PCDH15: variants seen among roughly 807,000 people sequenced by gnomAD.
The protein encoded by PCDH15 is protocadherin-15.
In PCDH15, 129 loss-of-function variants were observed where a neutral mutation model predicts 178.5. The observed-to-expected ratio is 0.72, with a 90% CI of 0.63 to 0.84. PCDH15 has a LOEUF of 0.84. Among genes scored for constraint, PCDH15 ranks in the 40% least tolerant of loss-of-function variants. The pLI is 0.00. For missense variants in PCDH15, 2,230 were observed against 2,099.9 expected (o/e 1.06, Z -1.21); for synonymous variants, 800 against 732.0 (o/e 1.09, Z -1.50).
At chr10:54,226,973 C>A (rs764366639) in intron 9 of PCDH15, among the ~76,000 whole-genome samples, 2 of 152,176 alleles carry the variant, frequency 1.3e-5, no homozygotes, top group African/African-American at 2.4e-5. Context: ...CAACTCCACC[C>A]CTGTTGCTTT....
Position 54,756,749 on chromosome 10 carries a change from T to C in PCDH15, c.-29+44176A>G, listed in dbSNP as rs573289046. 6.6e-5 allele frequency among the ~76,000 whole-genome samples: 10 copies of C among 151,012 alleles called. No homozygotes were observed. The South Asian group carries it at 1.7e-3, about 25-fold the overall frequency. Reference sequence around the variant, plus strand: ...GAGAGAGAGAGAGAGAGAGAAACTATGGATACTTCCTTTATAAATTCTGGC... The same window carrying C: ...GAGAGAGAGAGAGAGAGAGAAACTACGGATACTTCCTTTATAAATTCTGGC... On this transcript the variant is annotated intron_variant, in intron 1 of 37. Coordinates refer to ENST00000644397, the MANE Select transcript of PCDH15 (RefSeq NM_001384140.1).
intron 2 of PCDH15, among the ~76,000 whole-genome samples, chr10:55,126,404 C>A (rs1258385851): frequency 6.6e-6 from 1 of 152,130 alleles, no homozygotes; most frequent in Non-Finnish European, 1.5e-5. Context: ...ATCCAACTGT[C>A]TAAACAATCC....
At chr10:54,932,944 G>T (rs965595854) in intron 2 of PCDH15, among the ~76,000 whole-genome samples, 3 of 151,952 alleles carry the variant, frequency 2.0e-5, no homozygotes, top group Non-Finnish European at 4.4e-5. Flanking sequence ...TTCCTGCAAG[G>T]TTCATTTATG....
chr10:53,822,095 TC>T, intron 32 of PCDH15: 1 of 1,614,046 alleles, frequency 6.2e-7, no homozygotes, highest in Non-Finnish European at 8.5e-7. Context: ...CTTTTGGTTC[TC>T]TCTGAGGGTC....
chr10:54,147,736 TAAAA>T (rs1017268824), intron 14 of PCDH15, among the ~76,000 whole-genome samples: 1 of 151,806 alleles, frequency 6.6e-6, no homozygotes, highest in Non-Finnish European at 1.5e-5. Flanking sequence ...AAAATCAAAA[TAAAA>T]AAACAAAAGG....
At chr10:54,368,766 C>T (rs550758169) in intron 5 of PCDH15, among the ~76,000 whole-genome samples, 1 of 151,832 alleles carries the variant, frequency 6.6e-6, no homozygotes, top group East Asian at 1.9e-4. Context: ...GTATGACCAC[C>T]TCAGAAATAC....
intron 2 of PCDH15, among the ~76,000 whole-genome samples, chr10:55,405,304 A>ATATATATATAT (rs1838172173): frequency 7.2e-6 from 1 of 138,092 alleles, no homozygotes. Flanking sequence ...ATATATATAT[A>ATATATATATAT]CAATTTAATG....
At chr10:55,005,630 T>C (rs766044919) in intron 2 of PCDH15, among the ~76,000 whole-genome samples, 3 of 152,144 alleles carry the variant, frequency 2.0e-5, no homozygotes. Flanking sequence ...TACTTTGACT[T>C]CCACATTTTT....
intron 2 of PCDH15, among the ~76,000 whole-genome samples, chr10:55,407,191 C>T (rs1175983378): frequency 2.0e-5 from 3 of 152,034 alleles, no homozygotes; most frequent in African/African-American, 4.8e-5. Flanking sequence ...AGGCAACCGA[C>T]GTGCCAAGAT....
intron 1 of PCDH15, among the ~76,000 whole-genome samples, chr10:55,278,608 A>T (rs1407488536): frequency 6.6e-6 from 1 of 152,226 alleles, no homozygotes; most frequent in East Asian, 1.9e-4. Context: ...CAGTAGGATT[A>T]GCTTCAATAA....
chr10:55,015,973 G>C (rs1302676667), intron 2 of PCDH15, among the ~76,000 whole-genome samples: 1 of 151,860 alleles, frequency 6.6e-6, no homozygotes, highest in Non-Finnish European at 1.5e-5. Flanking sequence ...ATTTGTAAGG[G>C]CCTATGCTTT....
At chr10:54,872,446 A>G (rs1275997200) in intron 3 of PCDH15, among the ~76,000 whole-genome samples, 1 of 152,096 alleles carries the variant, frequency 6.6e-6, no homozygotes, top group African/African-American at 2.4e-5. Flanking sequence ...TAATAAACCT[A>G]CCAAATAATA....
chr10:55,464,950 G>A (rs1471329804), intron 2 of PCDH15, among the ~76,000 whole-genome samples: 1 of 150,876 alleles, frequency 6.6e-6, no homozygotes, highest in Non-Finnish European at 1.5e-5. Flanking sequence ...CAAAAAAACA[G>A]TGCTTGTAAG....
chr10:54,853,593 A>G (rs1953683392), intron 3 of PCDH15, among the ~76,000 whole-genome samples: 1 of 151,130 alleles, frequency 6.6e-6, no homozygotes, highest in Non-Finnish European at 1.5e-5. Flanking sequence ...TATAAATCAA[A>G]AATACCTTCC....
At chr10:54,023,646 T>C (rs934678028) in intron 18 of PCDH15, among the ~76,000 whole-genome samples, 14 of 148,482 alleles carry the variant, frequency 9.4e-5, no homozygotes, top group Admixed American at 8.2e-4. Flanking sequence ...ATTATGTTTG[T>C]TTATAATAAA....
At chr10:53,983,397 T>C (rs984822248) in intron 21 of PCDH15, among the ~76,000 whole-genome samples, 1 of 151,694 alleles carries the variant, frequency 6.6e-6, no homozygotes, top group Non-Finnish European at 1.5e-5. Flanking sequence ...ACTCTTCATG[T>C]AACCACTGAG....
intron 2 of PCDH15, among the ~76,000 whole-genome samples, chr10:55,520,490 G>GCT (rs201318639): frequency 7.2e-6 from 1 of 139,656 alleles, no homozygotes. Flanking sequence ...AAAATTATTA[G>GCT]CTGTGTGTGT....
At chr10:55,201,001 T>C (rs973256169) in intron 1 of PCDH15, among the ~76,000 whole-genome samples, 1 of 152,050 alleles carries the variant, frequency 6.6e-6, no homozygotes, top group African/African-American at 2.4e-5. Context: ...GAAAACAGAC[T>C]AATACAGAGG....
chr10:54,163,087 A>G (rs1189603997), intron 13 of PCDH15, among the ~76,000 whole-genome samples: 1 of 152,164 alleles, frequency 6.6e-6, no homozygotes, highest in African/African-American at 2.4e-5. Context: ...AATTATAAGG[A>G]TCCTTTTGCA....
Sources: gnomAD v4.1 joint callset for allele counts (sites outside exome capture counted in the v4.1 genomes callset) on GRCh38, gnomAD v4.1.1 for gene constraint, MANE v1.5 for transcripts, NCBI Gene and HGNC (gene_info 2026-07-23, HGNC 2026-07-21) for gene names.